NFX1: variants seen among roughly 807,000 people sequenced by gnomAD.
NFX1 encodes nuclear transcription factor, X-box binding 1.
Under a neutral mutation model 137.2 loss-of-function variants are expected in NFX1, and 69 were observed. That is an observed-to-expected ratio of 0.50 (90% CI 0.41 to 0.61). The LOEUF (loss-of-function observed/expected upper bound fraction) is 0.61, where lower values mean the gene tolerates loss of function less well. Ranked by LOEUF, NFX1 falls within the 20% of genes least tolerant of loss-of-function variation. The pLI is 0.00. For missense variants in NFX1, 1,167 were observed against 1,391.0 expected, an observed-to-expected ratio of 0.84 and a Z score of 2.56; for synonymous variants, 495 against 474.1, an observed-to-expected ratio of 1.04 and a Z score of -0.57.
At chr9:33,361,178 T>G (rs999847427) in intron 19 of NFX1, among the ~76,000 whole-genome samples, 2 of 152,064 alleles carry the variant, frequency 1.3e-5, no homozygotes, top group African/African-American at 4.8e-5. Flanking sequence ...AAATGGGAAA[T>G]GATTAAAATA....
At chr9:33,307,085 A>G in intron 4 of NFX1, 109 bp from the exon 5 acceptor site, 1 of 718,758 alleles carries the variant, frequency 1.4e-6, no homozygotes, top group Non-Finnish European at 2.3e-6. Flanking sequence ...TTGAAATAAT[A>G]AAAACCACAC....
chr9:33,336,480 C>T (rs148890850), intron 11 of NFX1, among the ~76,000 whole-genome samples: 3,740 of 152,308 alleles, frequency 0.025, 79 homozygotes, highest in Non-Finnish European at 0.037. Flanking sequence ...TCTCAAAGTG[C>T]TGGGATTACA....
At chr9:33,291,522 T>C (rs830575) in intron 1 of NFX1, among the ~76,000 whole-genome samples, 126,936 of 152,230 alleles carry the variant, frequency 0.83, 53,047 homozygotes, top group Non-Finnish European at 0.84. Context: ...GCTCTGTCCC[T>C]GACCAGCCGT....
At chr9:33,347,165 A>G in intron 15 of NFX1, 48 bp downstream of exon 15, 1 of 1,367,754 alleles carries the variant, frequency 7.3e-7, no homozygotes, top group Non-Finnish European at 1.0e-6. Context: ...GAGGTTCATG[A>G]TTTTATTACT....
At chr9:33,351,364 A>C (rs1055144588) in intron 15 of NFX1, among the ~76,000 whole-genome samples, 196 bp from the exon 16 acceptor site, 4 of 151,782 alleles carry the variant, frequency 2.6e-5, no homozygotes, top group African/African-American at 9.7e-5. Flanking sequence ...GGAGACTGAG[A>C]TGGGAGGATC....
At chr9:33,343,205 C>T (rs1400111757) in intron 13 of NFX1, among the ~76,000 whole-genome samples, 7 of 152,134 alleles carry the variant, frequency 4.6e-5, no homozygotes, top group Non-Finnish European at 5.9e-5. Flanking sequence ...GGCTCATTTA[C>T]ATTACCAAAA....
At chr9:33,365,739 C>G (rs1277180660) in intron 21 of NFX1, 2 of 152,238 alleles carry the variant, frequency 1.3e-5, no homozygotes, top group South Asian at 2.1e-4. Context: ...GGAAGACACT[C>G]TAGCCCCTCA....
chr9:33,322,099 G>T (rs1231908512), intron 9 of NFX1, among the ~76,000 whole-genome samples: 1 of 151,720 alleles, frequency 6.6e-6, no homozygotes, highest in Non-Finnish European at 1.5e-5. Context: ...TACTCGGGAG[G>T]CTGAGGCAGG....
At chr9:33,292,032 G>C (rs938854114) in intron 1 of NFX1, among the ~76,000 whole-genome samples, 4 of 152,178 alleles carry the variant, frequency 2.6e-5, no homozygotes, top group African/African-American at 9.7e-5. Flanking sequence ...TCCTTCACCA[G>C]ATTCTCTAAA....
intron 22 of NFX1, among the ~76,000 whole-genome samples, chr9:33,367,023 A>T (rs1451833292): frequency 6.6e-6 from 1 of 152,260 alleles, no homozygotes; most frequent in Non-Finnish European, 1.5e-5. Flanking sequence ...GTCATAGCAG[A>T]TGCTGGAAGC....
intron 1 of NFX1, among the ~76,000 whole-genome samples, chr9:33,293,059 C>T (rs10971463): frequency 0.029 from 4,415 of 152,260 alleles, 152 homozygotes; most frequent in East Asian, 0.17. Context: ...TACTCTATGA[C>T]CTTTATGATC....
chr9:33,337,297 A>C (rs1823043040), intron 11 of NFX1, among the ~76,000 whole-genome samples: 1 of 152,200 alleles, frequency 6.6e-6, no homozygotes. Context: ...TAGCATTTAC[A>C]TTATATTTGG....
intron 9 of NFX1, among the ~76,000 whole-genome samples, chr9:33,323,913 G>A (rs757287370): frequency 1.3e-5 from 2 of 152,012 alleles, no homozygotes; most frequent in Non-Finnish European, 2.9e-5. Context: ...GGCCCAAATG[G>A]AAATTCTGAA....
Position 33,351,519 on chromosome 9 carries a change from C to T in NFX1, c.2425-41C>T, listed in dbSNP as rs770628557. 5.1e-6 allele frequency: 8 copies of T among 1,577,082 alleles called. No individual in the cohort carries two copies. The African/African-American group carries it at 8.1e-5, about 16-fold the overall frequency. Reference sequence around the variant, plus strand: ...AGAAAGTTAAAACTCACCCCAAATCCCACATGGAGATGAGAATCTGGCTAC... The same window carrying T: ...AGAAAGTTAAAACTCACCCCAAATCTCACATGGAGATGAGAATCTGGCTAC... On this transcript the variant is annotated intron_variant, in intron 15 of 23. Transcript: ENST00000379540.
At chr9:33,338,408 T>C in intron 11 of NFX1, 102 bp from the exon 12 acceptor site, 1 of 997,294 alleles carries the variant, frequency 1.0e-6, no homozygotes, top group South Asian at 1.4e-5. Context: ...AATTGTATTA[T>C]TACTATTGTA....
intron 12 of NFX1, among the ~76,000 whole-genome samples, chr9:33,338,976 G>T (rs770187015): frequency 2.0e-5 from 3 of 151,904 alleles, no homozygotes; most frequent in Non-Finnish European, 4.4e-5. Flanking sequence ...GCTTAGGTCA[G>T]GTCAGTAGGA....
At position 33,335,769 on chromosome 9, in the gene NFX1, G is replaced by C. The variant is rs981250996; in HGVS notation, c.2036-2741G>C. Among the ~76,000 whole-genome samples, 4 of 152,050 alleles carry C rather than the reference G, an allele frequency of 2.6e-5. No homozygotes were observed. In the East Asian group the frequency reaches 7.7e-4, roughly 29 times the overall value. On this transcript the variant is annotated intron_variant, in intron 11 of 23. Transcript: ENST00000379540. ...CTATCTGTATGGATTTACTATTTTCGAATACTTCATCTAAATGGAGTCACA... is the reference window on the plus strand; with the variant it reads ...CTATCTGTATGGATTTACTATTTTCCAATACTTCATCTAAATGGAGTCACA...
At chr9:33,356,620 T>C (rs1417613645) in intron 19 of NFX1, among the ~76,000 whole-genome samples, 1 of 152,210 alleles carries the variant, frequency 6.6e-6, no homozygotes, top group African/African-American at 2.4e-5. Context: ...AGAAACTGTG[T>C]TATTTTACCT....
At chr9:33,344,871 G>T (rs1427942036) in intron 14 of NFX1, among the ~76,000 whole-genome samples, 1 of 144,760 alleles carries the variant, frequency 6.9e-6, no homozygotes, top group East Asian at 2.1e-4. Context: ...TCTCAAAAAA[G>T]AAAATAGAGG....
Sources: allele counts gnomAD v4.1 joint callset (sites outside exome capture counted in the v4.1 genomes callset), GRCh38; gene constraint gnomAD v4.1.1; transcripts MANE v1.5; gene names NCBI Gene and HGNC (gene_info 2026-07-23, HGNC 2026-07-21).